RABGAP1L: variants seen among roughly 807,000 people sequenced by gnomAD.
RABGAP1L encodes the protein RAB GTPase activating protein 1 like.
RABGAP1L carries 63 observed loss-of-function variants against 137.7 expected under a neutral mutation model. That is an observed-to-expected ratio of 0.46 (90% CI 0.37 to 0.56). The LOEUF is 0.56. Ranked by LOEUF, RABGAP1L falls within the 20% of genes least tolerant of loss-of-function variation. The pLI, the probability that RABGAP1L is intolerant of heterozygous loss-of-function variation, is 0.00. For missense variants in RABGAP1L, 1,095 were observed against 1,244.0 expected, an observed-to-expected ratio of 0.88 and a Z score of 1.80; for synonymous variants, 431 against 433.7, an observed-to-expected ratio of 0.99 and a Z score of 0.08.
At chr1:174,969,232 A>T (rs995003625) in intron 20 of RABGAP1L, 45 bp from the exon 21 acceptor site, 1 of 1,399,632 alleles carries the variant, frequency 7.1e-7, no homozygotes, top group Non-Finnish European at 9.9e-7. Context: ...TCGTTTCTGT[A>T]TGTCCAGACA....
intron 19 of RABGAP1L, chr1:174,877,497 G>A: frequency 6.2e-7 from 1 of 1,614,148 alleles, no homozygotes; most frequent in Non-Finnish European, 8.5e-7. Flanking sequence ...CTGGCAAGAT[G>A]ATGGAAGAAA....
rs533716511 is a variant in RABGAP1L at position 174,686,648 on chromosome 1, C to CTTTTTTTTTTTTTTT, written c.1899+3065_1899+3079dup. Among the ~76,000 whole-genome samples, 4 of 105,770 alleles carry CTTTTTTTTTTTTTTT rather than the reference C, an allele frequency of 3.8e-5. 1 individual carries two copies. Among genetic ancestry groups the CTTTTTTTTTTTTTTT allele is most frequent in the Non-Finnish European group, 6.3e-5 (3 of 47,678 alleles). 69.4% of individuals were successfully genotyped at this position (105,770 alleles called of 152,430 possible). On this transcript the variant is annotated intron_variant, in intron 15 of 25. Coordinates refer to ENST00000681986, the MANE Select transcript of RABGAP1L (RefSeq NM_001366446.1). ...GAAGCTTTGGTTTGAACAAAGCAAT[C>CTTTTTTTTTTTTTTT]TTTTTTTTTTTTTTTTTTTTTTTTT...
At chr1:174,345,724 T>C (rs1682369983) in intron 11 of RABGAP1L, among the ~76,000 whole-genome samples, 1 of 152,194 alleles carries the variant, frequency 6.6e-6, no homozygotes, top group Non-Finnish European at 1.5e-5. Context: ...TCAATTTGAG[T>C]GCCCTTTATA....
At chr1:174,234,823 T>C (rs901054638) in intron 4 of RABGAP1L, among the ~76,000 whole-genome samples, 3 of 148,438 alleles carry the variant, frequency 2.0e-5, no homozygotes. Context: ...GGTAGCTTGA[T>C]GGGGATGGCA....
intron 10 of RABGAP1L, among the ~76,000 whole-genome samples, chr1:174,281,379 A>G (rs1456694043): frequency 6.6e-6 from 1 of 152,080 alleles, no homozygotes; most frequent in African/African-American, 2.4e-5. Flanking sequence ...TTTACAAACC[A>G]TTAGCTAGAC....
chr1:174,700,852 A>C lies in RABGAP1L; in HGVS notation c.2025+1202A>C, dbSNP rs901859814. Reference sequence around the variant, plus strand: ...TTGCCTTTTATTTACCAAAAAATTCATATATTTTCAAAGGTCAGTATTCCT... The same window carrying C: ...TTGCCTTTTATTTACCAAAAAATTCCTATATTTTCAAAGGTCAGTATTCCT... On this transcript the variant is annotated intron_variant, in intron 16 of 25. Coordinates refer to ENST00000681986, the MANE Select transcript of RABGAP1L (RefSeq NM_001366446.1). 8 of 204,458 alleles carry C rather than the reference A, an allele frequency of 3.9e-5. 1 individual carries two copies. In the South Asian group the frequency reaches 6.2e-4, roughly 16 times the overall value. The allele number at this position is 204,458 out of a possible 1,614,324, so 12.7% of individuals were successfully genotyped here. A position where few individuals can be genotyped will look rare whatever the true frequency, so the allele number is the denominator to read the frequency against.
intron 19 of RABGAP1L, among the ~76,000 whole-genome samples, chr1:174,953,339 C>T (rs1374849489): frequency 6.6e-6 from 1 of 152,132 alleles, no homozygotes; most frequent in South Asian, 2.1e-4. Context: ...CCCATATCTC[C>T]GTCTGAGGCC....
intron 12 of RABGAP1L, among the ~76,000 whole-genome samples, chr1:174,380,539 A>G (rs1363914319): frequency 3.3e-5 from 5 of 152,114 alleles, no homozygotes; most frequent in East Asian, 3.9e-4. Context: ...GTCAAGGAAT[A>G]TATCCATTTC....
At chr1:174,677,430 C>G (rs1677725270) in intron 14 of RABGAP1L, among the ~76,000 whole-genome samples, 1 of 152,186 alleles carries the variant, frequency 6.6e-6, no homozygotes, top group Non-Finnish European at 1.5e-5. Context: ...TTACAAATTA[C>G]TGGAGGCATT....
At chr1:174,384,975 G>A (rs1237838412) in intron 12 of RABGAP1L, among the ~76,000 whole-genome samples, 5 of 151,958 alleles carry the variant, frequency 3.3e-5, no homozygotes, top group African/African-American at 7.3e-5. Flanking sequence ...CTTATATCTG[G>A]CTTCATCTTG....
intron 18 of RABGAP1L, among the ~76,000 whole-genome samples, chr1:174,804,907 A>G (rs933191257): frequency 6.6e-6 from 1 of 152,206 alleles, no homozygotes; most frequent in Non-Finnish European, 1.5e-5. Context: ...GCAGAGGAGA[A>G]TATGTCTTCC....
At chr1:174,721,716 C>T (rs1040008485) in intron 17 of RABGAP1L, among the ~76,000 whole-genome samples, 7 of 152,164 alleles carry the variant, frequency 4.6e-5, no homozygotes, top group African/African-American at 1.7e-4. Flanking sequence ...GGTAGATCTG[C>T]AATTTCCCAG....
intron 14 of RABGAP1L, among the ~76,000 whole-genome samples, chr1:174,664,062 CAA>C (rs1676579819): frequency 1.3e-5 from 2 of 151,944 alleles, no homozygotes; most frequent in African/African-American, 4.8e-5. Flanking sequence ...AATGAAACAA[CAA>C]TATATATTAA....
intron 19 of RABGAP1L, among the ~76,000 whole-genome samples, chr1:174,886,812 C>CTTTTTTT (rs11385190): frequency 6.7e-6 from 1 of 149,150 alleles, no homozygotes; most frequent in African/African-American, 2.5e-5. Context: ...CCATTTAATT[C>CTTTTTTT]TTTTTTTTTT....
intron 7 of RABGAP1L, among the ~76,000 whole-genome samples, chr1:174,256,567 G>GGTC (rs1328072451): frequency 6.6e-6 from 1 of 152,170 alleles, no homozygotes. Flanking sequence ...CAGATCACGA[G>GGTC]GTCAAGAGAT....
At chr1:174,516,793 G>A (rs900752771) in intron 13 of RABGAP1L, among the ~76,000 whole-genome samples, 1 of 151,834 alleles carries the variant, frequency 6.6e-6, no homozygotes, top group Admixed American at 6.6e-5. Context: ...GAATTTGAAC[G>A]GTGATTTTTA....
intron 11 of RABGAP1L, among the ~76,000 whole-genome samples, chr1:174,312,200 C>A (rs1389061791): frequency 6.6e-6 from 1 of 152,158 alleles, no homozygotes. Context: ...TACTAATTTA[C>A]ATTTCCACCA....
At chr1:174,665,343 C>A (rs1676705671) in intron 14 of RABGAP1L, among the ~76,000 whole-genome samples, 1 of 151,524 alleles carries the variant, frequency 6.6e-6, no homozygotes, top group South Asian at 2.1e-4. Flanking sequence ...TGCCTTCCTT[C>A]CTTCCTTCTT....
In RABGAP1L at chr1:174,994,971, G is replaced by C. The variant is rs181586835; in HGVS notation, c.*4970G>C. The C allele has an allele frequency of 6.6e-6, 1 of 152,174 alleles. No individual in the cohort carries two copies. The highest frequency in any genetic ancestry group is 2.4e-5 in the African/African-American group (1 of 41,446). The allele number at this position is 152,174 out of a possible 1,614,324, so 9.4% of individuals were successfully genotyped here. A position where few individuals can be genotyped will look rare whatever the true frequency, so the allele number is the denominator to read the frequency against. On this transcript the variant is annotated 3_prime_UTR_variant, in exon 26 of 26. Transcript: ENST00000681986. ...AGTACTAATTAACTACAAAATAAAC[G>C]TTAGTGATCAGCCTCTTCCTCTATA...
Sources: allele counts gnomAD v4.1 joint callset (sites outside exome capture counted in the v4.1 genomes callset), GRCh38; gene constraint gnomAD v4.1.1; transcripts MANE v1.5; gene names NCBI Gene and HGNC (gene_info 2026-07-23, HGNC 2026-07-21).